KCNJ6: variants seen among roughly 807,000 people sequenced by gnomAD.
The protein encoded by KCNJ6 is G protein-activated inward rectifier potassium channel 2.
Under a neutral mutation model 34.2 loss-of-function variants are expected in KCNJ6, and 9 were observed. That is an observed-to-expected ratio of 0.26 (90% CI 0.16 to 0.46). The LOEUF (loss-of-function observed/expected upper bound fraction) is 0.46. Among genes scored for constraint, KCNJ6 ranks in the 20% least tolerant of loss-of-function variants. The pLI is 1.00. For synonymous variants in KCNJ6, 196 were observed against 207.1 expected (o/e 0.95, Z 0.46); for missense variants, 236 against 531.3 (o/e 0.44, Z 5.46).
chr21:37,811,722 T>G (rs574360422), intron 2 of KCNJ6, among the ~76,000 whole-genome samples: 3 of 152,114 alleles, frequency 2.0e-5, no homozygotes, highest in Non-Finnish European at 4.4e-5. Flanking sequence ...AAAACTGACA[T>G]AACTACCAAG....
At chr21:37,775,117 T>C (rs1321333311) in intron 2 of KCNJ6, among the ~76,000 whole-genome samples, 1 of 152,264 alleles carries the variant, frequency 6.6e-6, no homozygotes, top group Non-Finnish European at 1.5e-5. Flanking sequence ...TGAGCATTTT[T>C]TCATGTGTCT....
At chr21:37,698,923 T>C (rs62221645) in intron 3 of KCNJ6, among the ~76,000 whole-genome samples, 44,524 of 151,982 alleles carry the variant, frequency 0.29, 6,896 homozygotes, top group Middle Eastern at 0.37. Context: ...GGTCTTGAAC[T>C]CCTGGGCTCA....
intron 3 of KCNJ6, among the ~76,000 whole-genome samples, chr21:37,635,331 C>T (rs1446365956): frequency 1.3e-5 from 2 of 151,608 alleles, no homozygotes; most frequent in Admixed American, 1.3e-4. Flanking sequence ...AGATCCTTCC[C>T]CCAAGCCTCC....
At position 37,611,124 on chromosome 21, in the gene KCNJ6, T is replaced by C. The variant is rs2054241492; in HGVS notation, c.*14035A>G. Reference sequence around the variant, plus strand: ...AGAAAAAAAGAGAAAGAACACAAATTACTACTATCAGAAATGAGAGCGGGG... The same window carrying C: ...AGAAAAAAAGAGAAAGAACACAAATCACTACTATCAGAAATGAGAGCGGGG... On this transcript the variant is annotated 3_prime_UTR_variant, in exon 4 of 4. Coordinates refer to ENST00000609713, the MANE Select transcript of KCNJ6 (RefSeq NM_002240.5). 1 of 152,092 alleles carries C rather than the reference T, an allele frequency of 6.6e-6. No homozygotes were observed. The highest frequency in any genetic ancestry group is 1.5e-5 in the Non-Finnish European group (1 of 68,006). The allele number at this position is 152,092 out of a possible 1,614,324, so 9.4% of individuals were successfully genotyped here.
intron 2 of KCNJ6, 147 bp downstream of exon 2, chr21:37,840,511 A>G: frequency 1.7e-6 from 1 of 592,906 alleles, no homozygotes. Context: ...TAACATCAAC[A>G]TGATGCAGTG....
intron 3 of KCNJ6, among the ~76,000 whole-genome samples, chr21:37,684,849 A>C (rs2054606235): frequency 6.6e-6 from 1 of 152,212 alleles, no homozygotes; most frequent in African/African-American, 2.4e-5. Context: ...AGGGAGAATG[A>C]CTTTATGTGA....
intron 1 of KCNJ6, among the ~76,000 whole-genome samples, chr21:37,880,092 T>C (rs950713727): frequency 8.5e-5 from 6 of 70,182 alleles, no homozygotes; most frequent in Middle Eastern, 8.2e-3. Context: ...AACCCGGCTC[T>C]AAAAATACAA....
At chr21:37,702,586 G>A (rs1219379918) in intron 3 of KCNJ6, among the ~76,000 whole-genome samples, 5 of 152,140 alleles carry the variant, frequency 3.3e-5, no homozygotes, top group East Asian at 1.9e-4. Flanking sequence ...GTTAGGCCAC[G>A]TATGCATTTA....
chr21:37,643,985 C>A (rs570145571), intron 3 of KCNJ6, among the ~76,000 whole-genome samples: 7 of 152,232 alleles, frequency 4.6e-5, no homozygotes, highest in Non-Finnish European at 7.4e-5. Context: ...AAATGCCTAT[C>A]AATTGTGGAT....
intron 2 of KCNJ6, among the ~76,000 whole-genome samples, chr21:37,783,270 G>T (rs2055178144): frequency 6.6e-6 from 1 of 152,144 alleles, no homozygotes; most frequent in Non-Finnish European, 1.5e-5. Flanking sequence ...GTTTGGCTGT[G>T]TCCCCACCCA....
At chr21:37,775,965 G>C (rs1244734844) in intron 2 of KCNJ6, among the ~76,000 whole-genome samples, 4 of 152,098 alleles carry the variant, frequency 2.6e-5, no homozygotes, top group Non-Finnish European at 5.9e-5. Context: ...TCACGATATT[G>C]ATTTTTCCTA....
intron 3 of KCNJ6, among the ~76,000 whole-genome samples, chr21:37,651,243 T>G (rs2054431828): frequency 6.6e-6 from 1 of 152,054 alleles, no homozygotes; most frequent in Admixed American, 6.5e-5. Flanking sequence ...GACTGTGTTG[T>G]GGGGACAGTC....
intron 1 of KCNJ6, among the ~76,000 whole-genome samples, chr21:37,870,010 G>A (rs1391219063): frequency 2.6e-5 from 4 of 152,224 alleles, no homozygotes; most frequent in Non-Finnish European, 5.9e-5. Flanking sequence ...GGCATTTGCT[G>A]CAGAGAATGG....
chr21:37,684,360 T>TA (rs1158889749), intron 3 of KCNJ6, among the ~76,000 whole-genome samples: 1 of 151,872 alleles, frequency 6.6e-6, no homozygotes, highest in East Asian at 1.9e-4. Context: ...TTTTTTTTTT[T>TA]ATGAGGACAC....
intron 3 of KCNJ6, among the ~76,000 whole-genome samples, chr21:37,688,423 T>TA (rs1056135294): frequency 1.3e-5 from 2 of 152,296 alleles, no homozygotes; most frequent in South Asian, 2.1e-4. Flanking sequence ...TGTTTTTTTT[T>TA]ATCATCTAAT....
At chr21:37,898,670 G>C (rs894950802) in intron 1 of KCNJ6, among the ~76,000 whole-genome samples, 10 of 152,188 alleles carry the variant, frequency 6.6e-5, no homozygotes, top group African/African-American at 1.9e-4. Flanking sequence ...GGCTGTAGGT[G>C]GTGGGTGGAG....
intron 2 of KCNJ6, among the ~76,000 whole-genome samples, chr21:37,750,542 T>C (rs2054990022): frequency 6.6e-6 from 1 of 152,168 alleles, no homozygotes; most frequent in Non-Finnish European, 1.5e-5. Flanking sequence ...TGGAATACTA[T>C]GCAGCCATAA....
intron 3 of KCNJ6, among the ~76,000 whole-genome samples, chr21:37,627,174 C>G (rs1465360963): frequency 6.6e-6 from 1 of 152,210 alleles, no homozygotes; most frequent in Non-Finnish European, 1.5e-5. Flanking sequence ...GTGCCAGGGA[C>G]CTATGTGGTT....
chr21:37,706,810 T>C (rs1196557328), intron 3 of KCNJ6, among the ~76,000 whole-genome samples: 1 of 152,248 alleles, frequency 6.6e-6, no homozygotes, highest in African/African-American at 2.4e-5. Flanking sequence ...TATTATTTGG[T>C]TAACAGCACA....
Sources: gnomAD v4.1 joint callset for allele counts (sites outside exome capture counted in the v4.1 genomes callset) on GRCh38, gnomAD v4.1.1 for gene constraint, MANE v1.5 for transcripts, NCBI Gene and HGNC (gene_info 2026-07-23, HGNC 2026-07-21) for gene names.